Variants in SNX29 observed in about 807,000 individuals in gnomAD.
The protein encoded by SNX29 is sorting nexin-29.
In SNX29, 78 loss-of-function variants were observed where a neutral mutation model predicts 102.1. That is an observed-to-expected ratio of 0.76 (90% CI 0.64 to 0.92). The LOEUF is 0.92. Among genes scored for constraint, SNX29 ranks in the 40% least tolerant of loss-of-function variants. SNX29 has a pLI of 0.00. For missense variants in SNX29, 1,280 were observed against 1,061.7 expected (o/e 1.21, Z -2.86); for synonymous variants, 580 against 414.5 (o/e 1.40, Z -4.85).
In SNX29 at chr16:12,234,219, T is replaced by G. The variant is rs573531615; in HGVS notation, c.1678+34536T>G. ...ACCAAACACTTGTTATTGTCTGTCT[T>G]TTTTTTATTGTAGCCATCGAGTGGA... is the stretch of plus-strand genomic sequence containing the variant. On this transcript the variant is annotated intron_variant, in intron 14 of 20. Coordinates refer to ENST00000566228, the MANE Select transcript of SNX29 (RefSeq NM_032167.5). 1.3e-3 allele frequency among the ~76,000 whole-genome samples: 197 copies of G among 152,242 alleles called. 1 individual carries two copies. Among genetic ancestry groups the G allele is most frequent in the Non-Finnish European group, 2.4e-3 (165 of 68,028 alleles).
chr16:12,367,677 C>T (rs375469511), intron 16 of SNX29, among the ~76,000 whole-genome samples: 5 of 152,194 alleles, frequency 3.3e-5, no homozygotes, highest in East Asian at 1.9e-4. Context: ...ATTTTTCTGC[C>T]GGGTGGCACT....
chr16:12,187,186 A>G (rs574198468), intron 13 of SNX29, among the ~76,000 whole-genome samples: 4 of 152,328 alleles, frequency 2.6e-5, no homozygotes, highest in Non-Finnish European at 5.9e-5. Flanking sequence ...ACCATTCACA[A>G]GATGCCCCTG....
At chr16:12,056,711 G>C (rs1273067221) in intron 8 of SNX29, among the ~76,000 whole-genome samples, 1 of 152,136 alleles carries the variant, frequency 6.6e-6, no homozygotes, top group Non-Finnish European at 1.5e-5. Context: ...TGTTTCTTCT[G>C]CCTCTGTATT....
At position 12,481,543 on chromosome 16, in the gene SNX29, CA is replaced by C. The variant is rs1567608654; in HGVS notation, c.2178+3685del. On this transcript the variant is annotated intron_variant, in intron 19 of 20. Transcript: ENST00000566228. Reference sequence around the variant, plus strand: ...ACACACACACACACACACACACACACACACACACACACCCCAAATGTCACCC... The same window carrying C: ...ACACACACACACACACACACACACACCACACACACACCCCAAATGTCACCC... Among the ~76,000 whole-genome samples the C allele has an allele frequency of 6.2e-3, 938 of 150,536 alleles. 5 individuals are homozygous for C. The highest frequency in any genetic ancestry group is 0.017 in the East Asian group (84 of 5,082).
At chr16:12,253,648 CAGAG>C (rs1259651735) in intron 14 of SNX29, among the ~76,000 whole-genome samples, 6 of 152,066 alleles carry the variant, frequency 3.9e-5, no homozygotes, top group African/African-American at 1.4e-4. Flanking sequence ...GGCAGCAAGG[CAGAG>C]AGGAGGCGGA....
rs772172130 is a variant in SNX29 at position 12,571,046 on chromosome 16, TCA to T, written c.*2419_*2420del. The stretch of plus-strand genomic sequence containing the variant: ...AGATCCAGACCATCTCCTCTCATTC[TCA>T]CTCTAAAAATGCTGGTGGCCCGCAC... On this transcript the variant is annotated 3_prime_UTR_variant, in exon 21 of 21. Coordinates refer to ENST00000566228, the MANE Select transcript of SNX29 (RefSeq NM_032167.5). 3.2e-4 allele frequency: 75 copies of T among 232,732 alleles called. 1 individual carries two copies. Among genetic ancestry groups the T allele is most frequent in the Non-Finnish European group, 2.0e-4 (23 of 117,704 alleles). The allele number at this position is 232,732 out of a possible 1,614,324, so 14.4% of individuals were successfully genotyped here.
At chr16:12,148,779 C>T (rs1388963237) in intron 13 of SNX29, among the ~76,000 whole-genome samples, 1 of 152,152 alleles carries the variant, frequency 6.6e-6, no homozygotes, top group Non-Finnish European at 1.5e-5. Context: ...CTCACCGCAA[C>T]CTCCACCTCC....
At chr16:12,420,509 G>T (rs898257657) in intron 18 of SNX29, among the ~76,000 whole-genome samples, 1 of 152,186 alleles carries the variant, frequency 6.6e-6, no homozygotes, top group African/African-American at 2.4e-5. Flanking sequence ...CCTGGTGTTG[G>T]CAAGTGTTTG....
intron 20 of SNX29, among the ~76,000 whole-genome samples, chr16:12,530,815 C>G (rs1317818325): frequency 3.3e-5 from 5 of 152,216 alleles, no homozygotes; most frequent in Admixed American, 2.6e-4. Context: ...CTTGGCCTCC[C>G]AAAGTGCTGG....
At chr16:12,444,849 T>TG (rs1319004428) in intron 18 of SNX29, among the ~76,000 whole-genome samples, 1 of 150,012 alleles carries the variant, frequency 6.7e-6, no homozygotes, top group South Asian at 2.1e-4. Flanking sequence ...TTTGTTTTTT[T>TG]TTTTTTTTGA....
intron 17 of SNX29, among the ~76,000 whole-genome samples, chr16:12,403,082 T>G (rs1344786256): frequency 6.6e-6 from 1 of 152,200 alleles, no homozygotes; most frequent in Non-Finnish European, 1.5e-5. Context: ...TCCTTGGGGC[T>G]TCCGGTTATT....
intron 13 of SNX29, 83 bp downstream of exon 13, chr16:12,129,841 A>G: frequency 1.4e-6 from 2 of 1,455,242 alleles, no homozygotes; most frequent in Non-Finnish European, 1.8e-6. Context: ...ACGGTGGCTC[A>G]TGCCTGTAAT....
chr16:11,982,423 G>GTTTTTTTTTTTTTTTT (rs60761477), intron 1 of SNX29, among the ~76,000 whole-genome samples: 1 of 120,352 alleles, frequency 8.3e-6, no homozygotes. Flanking sequence ...CTTTCCATCA[G>GTTTTTTTTTTTTTTTT]TTTTTTTTTT....
rs1477862705 is a variant in SNX29 at position 12,479,619 on chromosome 16, C to CT, written c.2178+1764dup. 2.6e-5 allele frequency among the ~76,000 whole-genome samples: 4 copies of CT among 152,298 alleles called. 1 individual carries two copies. In the South Asian group the frequency reaches 8.3e-4, roughly 32 times the overall value. On this transcript the variant is annotated intron_variant, in intron 19 of 20. Transcript: ENST00000566228. ...GTTCATAGCAAAGAGTACAAGAATT[C>CT]TTTTGAAAAGAGGGGAAAATTATAT...
chr16:12,324,662 C>T (rs549183208), intron 15 of SNX29, among the ~76,000 whole-genome samples: 1 of 152,246 alleles, frequency 6.6e-6, no homozygotes, highest in Admixed American at 6.5e-5. Flanking sequence ...CCCTTCCCCT[C>T]TCCTGCTACC....
At chr16:12,402,224 T>G (rs1181103071) in intron 17 of SNX29, among the ~76,000 whole-genome samples, 4 of 152,198 alleles carry the variant, frequency 2.6e-5, no homozygotes, top group African/African-American at 9.7e-5. Context: ...TGCTCAGAGA[T>G]GAGAAGAAAT....
intron 11 of SNX29, among the ~76,000 whole-genome samples, chr16:12,080,926 C>T (rs1425232782): frequency 2.0e-5 from 3 of 152,054 alleles, no homozygotes; most frequent in East Asian, 1.9e-4. Flanking sequence ...TCATGATCTG[C>T]CGGTCTCAGC....
chr16:12,298,117 C>T lies in SNX29; in HGVS notation c.1782+20081C>T, dbSNP rs538010645. Reference sequence around the variant, plus strand: ...CCCAGGAATTGGAGGTTGCAGTGAGCTGTGATTGTGCCACTGCACTCCAGC... The same window carrying T: ...CCCAGGAATTGGAGGTTGCAGTGAGTTGTGATTGTGCCACTGCACTCCAGC... On this transcript the variant is annotated intron_variant, in intron 15 of 20. Transcript: ENST00000566228. Among the ~76,000 whole-genome samples the T allele has an allele frequency of 1.6e-4, 25 of 152,330 alleles. No individual in the cohort carries two copies. The Middle Eastern group carries it at 0.01, about 62-fold the overall frequency.
chr16:12,486,778 G>A (rs531829846), intron 19 of SNX29, among the ~76,000 whole-genome samples: 2 of 152,278 alleles, frequency 1.3e-5, no homozygotes, highest in South Asian at 2.1e-4. Context: ...CTGTCTCTCC[G>A]CCCACACCCA....
Sources: gnomAD v4.1 joint callset for allele counts (sites outside exome capture counted in the v4.1 genomes callset) on GRCh38, gnomAD v4.1.1 for gene constraint, MANE v1.5 for transcripts, NCBI Gene and HGNC (gene_info 2026-07-23, HGNC 2026-07-21) for gene names.